Variants in KIF5B observed in about 807,000 individuals in gnomAD.
KIF5B encodes kinesin-1 heavy chain.
Under a neutral mutation model 132.8 loss-of-function variants are expected in KIF5B, and 49 were observed. That is an observed-to-expected ratio of 0.37 (90% CI 0.29 to 0.47). KIF5B has a LOEUF of 0.47. KIF5B is among the 20% of genes least tolerant of loss of function. KIF5B has a pLI of 1.00. For synonymous variants in KIF5B, 355 were observed against 369.4 expected (o/e 0.96, Z 0.45); for missense variants, 780 against 1,144.0 (o/e 0.68, Z 4.59).
In KIF5B at chr10:32,021,087, T is replaced by G. The variant is rs568701642; in HGVS notation, c.2139A>C (p.Gln713His). Residue 713 changes from glutamine (Q) to histidine (H), a missense_variant, in exon 19 of 26, where the codon CAA (glutamine) becomes CAC (histidine). By Grantham distance (24) the Gln-to-His change is conservative. Coordinates refer to ENST00000302418, the MANE Select transcript of KIF5B (RefSeq NM_004521.3). ...CATCTCTCAAACTACTGATCTGTTT[T>G]TGATGAGTTTCTCTATGGCTCTGGA... The part of the protein sequence containing the change: ...QQIQSHRETH[Q>H]KQISSLRDEV... 2.8e-5 allele frequency: 45 copies of G among 1,613,894 alleles called. No homozygotes were observed. The South Asian group carries it at 4.7e-4, about 17-fold the overall frequency.
chr10:32,044,663 C>T (rs1841586339), intron 2 of KIF5B, among the ~76,000 whole-genome samples: 2 of 150,720 alleles, frequency 1.3e-5, no homozygotes, highest in African/African-American at 2.4e-5. Flanking sequence ...ACAACAAGAG[C>T]GAAACTCCGT....
intron 20 of KIF5B, among the ~76,000 whole-genome samples, chr10:32,019,030 C>CGT (rs1841221833): frequency 6.6e-6 from 1 of 151,792 alleles, no homozygotes; most frequent in African/African-American, 2.4e-5. Flanking sequence ...TTCTAAACAA[C>CGT]AGTCTATTGT....
At chr10:32,014,645 T>C (rs1252518607) in intron 25 of KIF5B, among the ~76,000 whole-genome samples, 2 of 152,162 alleles carry the variant, frequency 1.3e-5, no homozygotes, top group Non-Finnish European at 2.9e-5. Flanking sequence ...CAGATATTAC[T>C]TATATAATTA....
Position 32,037,594 on chromosome 10 carries a change from C to T in KIF5B, c.512G>A (p.Arg171His), listed in dbSNP as rs551976993. 4 of 1,610,484 alleles carry T rather than the reference C, an allele frequency of 2.5e-6. No individual in the cohort carries two copies. The highest frequency in any genetic ancestry group is 2.2e-5 in the East Asian group (1 of 44,860). ...AACTTCATCTGGACTACATACAAAACGCTCTGTGCACCCCTGTGAAATAAT... is the reference window on the plus strand; with the variant it reads ...AACTTCATCTGGACTACATACAAAATGCTCTGTGCACCCCTGTGAAATAAT... Reference protein sequence around the residue: ...RVPYVKGCTERFVCSPDEVMD... With the variant: ...RVPYVKGCTEHFVCSPDEVMD... The change falls in exon 7 of 26, where the codon CGT (arginine) becomes CAT (histidine). Residue 171 changes from arginine to histidine, a missense_variant. Physicochemically the swap from Arg to His is conservative, Grantham distance 29. Coordinates refer to ENST00000302418, the MANE Select transcript of KIF5B (RefSeq NM_004521.3).
At chr10:32,030,333 A>C (rs1051991895) in intron 14 of KIF5B, among the ~76,000 whole-genome samples, 9 of 152,102 alleles carry the variant, frequency 5.9e-5, no homozygotes, top group Admixed American at 5.9e-4. Context: ...CCTGGCCAAC[A>C]TGGTGAAACC....
intron 1 of KIF5B, among the ~76,000 whole-genome samples, chr10:32,052,376 G>A (rs113769386): frequency 0.059 from 8,980 of 152,220 alleles, 364 homozygotes; most frequent in Non-Finnish European, 0.082. Flanking sequence ...CTTGAAAAGC[G>A]AGAATGTTGT....
In KIF5B at chr10:32,034,814, A is replaced by C; in HGVS notation, c.987T>G (p.Val329=). ...CTGCAGTTAACTCCACATTGACACA[A>C]ACTGTGTTCTTAATTGTTTTGGCCC... ...GQRAKTIKNT[V]CVNVELTAEQ... Residue 329 remains valine (V), a synonymous_variant, in exon 11 of 26, where the codon GTT becomes GTG. Transcript: ENST00000302418. 1 of 1,597,456 alleles carries C rather than the reference A, an allele frequency of 6.3e-7. No homozygotes were observed.
intron 2 of KIF5B, among the ~76,000 whole-genome samples, chr10:32,042,662 T>TC (rs1321329511): frequency 2.6e-5 from 4 of 152,170 alleles, no homozygotes; most frequent in Non-Finnish European, 5.9e-5. Flanking sequence ...TTCTAAAGCC[T>TC]CCCTCACCCT....
chr10:32,032,244 T>C (rs918080104), intron 13 of KIF5B, among the ~76,000 whole-genome samples: 1 of 152,066 alleles, frequency 6.6e-6, no homozygotes, highest in Non-Finnish European at 1.5e-5. Context: ...AAAATATCAA[T>C]AGTGCCCCTT....
chr10:32,032,070 A>G (rs1163809694), intron 13 of KIF5B, among the ~76,000 whole-genome samples: 2 of 151,800 alleles, frequency 1.3e-5, no homozygotes, highest in African/African-American at 4.8e-5. Context: ...ACTAGTTAGG[A>G]GAAAACCACA....
At chr10:32,036,172 G>T (rs1841457842) in intron 8 of KIF5B, among the ~76,000 whole-genome samples, 178 bp from the exon 9 acceptor site, 1 of 152,152 alleles carries the variant, frequency 6.6e-6, no homozygotes, top group Non-Finnish European at 1.5e-5. Context: ...TTAAGAGTTT[G>T]ATTAGAGAGA....
Position 32,022,133 on chromosome 10 carries a change from G to A in KIF5B, c.2032+7C>T. ...AGATGTAACTCATAAACAGTTGGAA[G>A]CTATACCTTGTGCTCGAAGCTGGAC... On this transcript the variant is annotated splice_region_variant and intron_variant, in intron 17 of 25. Transcript: ENST00000302418. 1 of 1,406,688 alleles carries A rather than the reference G, an allele frequency of 7.1e-7. No individual in the cohort carries two copies. Among genetic ancestry groups the A allele is most frequent in the East Asian group, 2.3e-5 (1 of 43,740 alleles). 87.1% of individuals were successfully genotyped at this position (1,406,688 alleles called of 1,614,324 possible). A position where few individuals can be genotyped will look rare whatever the true frequency, so the allele number is the denominator to read the frequency against.
At chr10:32,020,081 C>G in intron 19 of KIF5B, 122 bp from the exon 20 acceptor site, 1 of 598,810 alleles carries the variant, frequency 1.7e-6, no homozygotes, top group South Asian at 2.5e-5. Context: ...TATCCTATAC[C>G]CTATGGAGGA....
rs768956013 is a variant in KIF5B, at chr10:32,055,904, T to C, written c.70A>G (p.Asn24Asp). The change falls in exon 1 of 26, where the codon AAC becomes GAC. Residue 24 changes from asparagine (N) to aspartate (D), a missense_variant. Transcript: ENST00000302418. Reference sequence around the variant, plus strand: ...TTGGCGATGTACTTGTCGCCGCGGTTCACTTCAGACTCGTTGAGAGGTCTG... The same window carrying C: ...TTGGCGATGTACTTGTCGCCGCGGTCCACTTCAGACTCGTTGAGAGGTCTG... ...RFRPLNESEV[N>D]RGDKYIAKFQ... 1.9e-6 allele frequency: 3 copies of C among 1,612,856 alleles called. No homozygotes were observed. In the Admixed American group the frequency reaches 5.0e-5, roughly 27 times the overall value.
chr10:32,050,041 G>A (rs1180161737), intron 1 of KIF5B, among the ~76,000 whole-genome samples: 1 of 152,034 alleles, frequency 6.6e-6, no homozygotes, highest in Non-Finnish European at 1.5e-5. Flanking sequence ...AGGGGTTCTA[G>A]GTATTTGCAA....
intron 17 of KIF5B, 111 bp downstream of exon 17, chr10:32,022,029 A>G: frequency 3.2e-6 from 2 of 624,516 alleles, no homozygotes; most frequent in Non-Finnish European, 5.7e-6. Context: ...TTTGTTTACC[A>G]TTCGAAATCA....
Position 32,031,218 on chromosome 10 carries a change from G to A in KIF5B, c.1436C>T (p.Ala479Val), listed in dbSNP as rs771173918. ...TTCTTCTTTAGAGGCATCATTTTCTGCTTGAAGGCGATTCAGCTCAGCTTG... is the reference window on the plus strand; with the variant it reads ...TTCTTCTTTAGAGGCATCATTTTCTACTTGAAGGCGATTCAGCTCAGCTTG... ...NMQAELNRLQ[A>V]ENDASKEEVK... Residue 479 changes from alanine to valine, a missense_variant, in exon 14 of 26, where the codon GCA becomes GTA. By Grantham distance (64) the Ala-to-Val change is moderately conservative (BLOSUM62 0). Around this residue, in one of 9 missense-constraint regions of KIF5B, gnomAD observed 471 missense variants for 569.9 expected, o/e 0.83. Coordinates refer to ENST00000302418, the MANE Select transcript of KIF5B (RefSeq NM_004521.3). 9.3e-6 allele frequency: 15 copies of A among 1,613,894 alleles called. No homozygotes were observed. In the Admixed American group the frequency reaches 2.5e-4, roughly 27 times the overall value.
Position 32,019,920 on chromosome 10 carries a change from T to G in KIF5B, c.2244A>C (p.Arg748Ser). The change falls in exon 20 of 26, where the codon AGA becomes AGC. Residue 748 changes from arginine (R) to serine (S), a missense_variant. Physicochemically the swap from Arg to Ser is moderately radical, Grantham distance 110 (BLOSUM62 -1). Coordinates refer to ENST00000302418, the MANE Select transcript of KIF5B (RefSeq NM_004521.3). ...QKMMLEQERL[R>S]VEHEKLKATD... ...TGGCTTTCAACTTCTCATGTTCTAC[T>G]CTTAGACGTTCCTGCTCTAACATCA... is the stretch of plus-strand genomic sequence containing the variant. The G allele has an allele frequency of 6.2e-7, 1 of 1,612,594 alleles. No individual in the cohort carries two copies. Among genetic ancestry groups the G allele is most frequent in the Non-Finnish European group, 8.5e-7 (1 of 1,179,568 alleles).
intron 17 of KIF5B, 119 bp from the exon 18 acceptor site, chr10:32,021,406 A>G: frequency 1.4e-6 from 1 of 693,430 alleles, no homozygotes; most frequent in South Asian, 1.7e-5. Context: ...ACTTCAAATT[A>G]CCCAAATGTC....
Sources: gnomAD v4.1 joint callset for allele counts (sites outside exome capture counted in the v4.1 genomes callset) on GRCh38, gnomAD v4.1.1 for gene constraint, gnomAD v4.1.1 regional missense constraint, MANE v1.5 for transcripts, NCBI Gene and HGNC (gene_info 2026-07-23, HGNC 2026-07-21) for gene names.